Variants in ATAD3C observed in about 807,000 individuals in gnomAD.
The protein encoded by ATAD3C is ATPase family AAA domain containing 3C, also known as ATPase family AAA domain-containing protein 3C.
ATAD3C carries 38 observed loss-of-function variants against 46.3 expected under a neutral mutation model. The ratio of observed to expected loss-of-function variants is 0.82; its 90% CI spans 0.63 to 1.08. ATAD3C has a LOEUF of 1.08. ATAD3C is among the 50% of genes least tolerant of loss of function. ATAD3C has a pLI of 0.00. For synonymous variants in ATAD3C, 220 were observed against 236.4 expected, an observed-to-expected ratio of 0.93 and a Z score of 0.63; for missense variants, 563 against 572.7, an observed-to-expected ratio of 0.98 and a Z score of 0.17.
chr1:1,455,835 G>T lies in ATAD3C; in HGVS notation c.483G>T (p.Arg161Ser), dbSNP rs1221383687. ...ARVRDIAIMT[R>S]NIKKNRGLYR... ...TGCGCGACATCGCCATAATGACAAG[G>T]AACATCAAGAAGAACCGGGGCCTGT... Residue 161 changes from arginine (R) to serine (S), a missense_variant, in exon 6 of 12, where the codon AGG (arginine) becomes AGT (serine). Arg to Ser is a moderately radical substitution (Grantham distance 110). Around this residue, in one of 3 missense-constraint regions of ATAD3C, gnomAD observed 263 missense variants for 243.1 expected, o/e 1.08. Transcript: ENST00000378785. 6 of 1,613,406 alleles carry T rather than the reference G, an allele frequency of 3.7e-6. No homozygotes were observed. Among genetic ancestry groups the T allele is most frequent in the Non-Finnish European group, 4.2e-6 (5 of 1,179,706 alleles).
chr1:1,456,932 G>C (rs571749006), intron 7 of ATAD3C, among the ~76,000 whole-genome samples, 197 bp from the exon 8 acceptor site: 1 of 152,116 alleles, frequency 6.6e-6, no homozygotes, highest in South Asian at 2.1e-4. Context: ...TGGGCTGAGT[G>C]GGGGTGAAGC....
rs189960463 is a variant in ATAD3C, at chr1:1,454,225, G to C, written c.223-120G>C. ...GGGAATTCGGGTTCCTGTGGGGCCAGCACACGGCCCTGTGCTTCTCCCTCA... is the reference window on the plus strand; with the variant it reads ...GGGAATTCGGGTTCCTGTGGGGCCACCACACGGCCCTGTGCTTCTCCCTCA... On this transcript the variant is annotated intron_variant, in intron 3 of 11. Coordinates refer to ENST00000378785, the MANE Select transcript of ATAD3C (RefSeq NM_001039211.3). The C allele has an allele frequency of 2.8e-4, 403 of 1,439,046 alleles. 2 individuals are homozygous for C. The African/African-American group carries it at 5.2e-3, about 19-fold the overall frequency. The allele number at this position is 1,439,046 out of a possible 1,614,324, so 89.1% of individuals were successfully genotyped here.
Position 1,462,715 on chromosome 1 carries a change from C to T in ATAD3C, c.1089+7C>T. The T allele has an allele frequency of 6.3e-7, 1 of 1,596,316 alleles. No individual in the cohort carries two copies. The highest frequency in any genetic ancestry group is 8.5e-7 in the Non-Finnish European group (1 of 1,172,010). Reference sequence around the variant, plus strand: ...GCTGGCCGTGTCCTGGCAGGTGAGTCAGGCTCGGGTGCACCCACCCAGATG... The same window carrying T: ...GCTGGCCGTGTCCTGGCAGGTGAGTTAGGCTCGGGTGCACCCACCCAGATG... On this transcript the variant is annotated splice_region_variant and intron_variant, in intron 11 of 11. Coordinates refer to ENST00000378785, the MANE Select transcript of ATAD3C (RefSeq NM_001039211.3). The surrounding 1 kb of genome is among the most constrained non-coding windows in gnomAD (Gnocchi z 4.5).
intron 3 of ATAD3C, 23 bp from the exon 4 acceptor site, chr1:1,454,322 C>T (rs1338560312): frequency 6.3e-7 from 1 of 1,589,936 alleles, no homozygotes; most frequent in Middle Eastern, 2.3e-4. Context: ...GGCCGGTGCG[C>T]CAGTGCGGTG....
rs1639050602 is a variant in ATAD3C, at chr1:1,460,911, G to T, written c.974G>T (p.Gly325Val). ...NEYVLKPATE[G>V]KRRLKLAQFD... The stretch of plus-strand genomic sequence containing the variant: ...TATGTTCTTAAGCCGGCCACAGAAG[G>T]AAAGCGGTAAGTGTCCCGCCCCACC... Residue 325 changes from glycine to valine, a missense_variant, in exon 10 of 12, where the codon GGA becomes GTA. By Grantham distance (109) the Gly-to-Val change is moderately radical (BLOSUM62 -3). Transcript: ENST00000378785. The T allele has an allele frequency of 6.2e-7, 1 of 1,607,660 alleles. No homozygotes were observed. Among genetic ancestry groups the T allele is most frequent in the Non-Finnish European group, 8.5e-7 (1 of 1,176,516 alleles).
Position 1,454,463 on chromosome 1 carries a change from G to T in ATAD3C, c.341G>T (p.Arg114Leu). The T allele has an allele frequency of 6.2e-7, 1 of 1,609,668 alleles. No homozygotes were observed. The highest frequency in any genetic ancestry group is 8.5e-7 in the Non-Finnish European group (1 of 1,179,288). The change falls in exon 4 of 12, where the codon CGC becomes CTC. Residue 114 changes from arginine (R) to leucine (L), a missense_variant. Around this residue, in one of 3 missense-constraint regions of ATAD3C, gnomAD observed 263 missense variants for 243.1 expected, o/e 1.08. Transcript: ENST00000378785. ...CCGTCCCTAGTGAGGGAGACGTCCC[G>T]CATCACGGTGCTTGAGGCGCTGCGG... ...GKPSLVRETS[R>L]ITVLEALRHP... is the part of the protein sequence containing the mutation.
chr1:1,449,895 C>T lies in ATAD3C; in HGVS notation c.-789C>T, dbSNP rs375606904. On this transcript the variant is annotated 5_prime_UTR_variant, in exon 1 of 12. Coordinates refer to ENST00000378785, the MANE Select transcript of ATAD3C (RefSeq NM_001039211.3). ...ACCTGTGTCGGTTCCCCACTAGGAA[C>T]AAAATGTAACTGAGGACGTTGTCAG... is the stretch of plus-strand genomic sequence containing the variant. 1 of 152,050 alleles carries T rather than the reference C, an allele frequency of 6.6e-6. No homozygotes were observed. Among genetic ancestry groups the T allele is most frequent in the East Asian group, 1.9e-4 (1 of 5,202 alleles). 9.4% of individuals were successfully genotyped at this position (152,050 alleles called of 1,614,324 possible).
At position 1,455,493 on chromosome 1, in the gene ATAD3C, G is replaced by T; in HGVS notation, c.412G>T (p.Asp138Tyr). 6.2e-7 allele frequency: 1 copy of T among 1,612,672 alleles called. No homozygotes were observed. Among genetic ancestry groups the T allele is most frequent in the South Asian group, 1.1e-5 (1 of 90,964 alleles). The change falls in exon 5 of 12, where the codon GAC becomes TAC. Residue 138 changes from aspartate (D) to tyrosine (Y), a missense_variant. Physicochemically the swap from Asp to Tyr is radical, Grantham distance 160. Coordinates refer to ENST00000378785, the MANE Select transcript of ATAD3C (RefSeq NM_001039211.3). ...CCGGCGGCTCCTCAGTCGACCCCAG[G>T]ACGTGCTGGAGGGTGTTGTGCTTAG... Reference protein sequence around the residue: ...VSRRLLSRPQDVLEGVVLSPS... With the variant: ...VSRRLLSRPQYVLEGVVLSPS...
intron 11 of ATAD3C, among the ~76,000 whole-genome samples, chr1:1,466,417 G>A (rs1639143248): frequency 6.6e-6 from 1 of 151,022 alleles, no homozygotes; most frequent in Non-Finnish European, 1.5e-5. Flanking sequence ...GCTGGGTGTG[G>A]TGGCGGGTGC....
In ATAD3C at chr1:1,455,876, T is replaced by C. The variant is rs1557777793; in HGVS notation, c.524T>C (p.Leu175Pro). 4 of 1,613,418 alleles carry C rather than the reference T, an allele frequency of 2.5e-6. No individual in the cohort carries two copies. Among genetic ancestry groups the C allele is most frequent in the Non-Finnish European group, 3.4e-6 (4 of 1,179,692 alleles). The change falls in exon 6 of 12, where the codon CTG becomes CCG. Residue 175 changes from leucine (L) to proline (P), a missense_variant. Leu to Pro is a moderately conservative substitution (Grantham distance 98, BLOSUM62 -3). Around this residue, in one of 3 missense-constraint regions of ATAD3C, gnomAD observed 263 missense variants for 243.1 expected, o/e 1.08. Transcript: ENST00000378785. Reference protein sequence around the residue: ...KNRGLYRHILLYGPPGTGKTL... With the variant: ...KNRGLYRHILPYGPPGTGKTL... ...CGGGGCCTGTACAGGCACATCCTGC[T>C]GTACGGGCCACCAGGCACCGGGAAG... is the stretch of plus-strand genomic sequence containing the variant.
At chr1:1,453,047 G>C (rs1638891037) in intron 3 of ATAD3C, among the ~76,000 whole-genome samples, 1 of 152,038 alleles carries the variant, frequency 6.6e-6, no homozygotes, top group Admixed American at 6.6e-5. Flanking sequence ...CACTGAGTGG[G>C]CACTTGCTCT....
chr1:1,461,311 C>T (rs1401475889), intron 10 of ATAD3C, among the ~76,000 whole-genome samples: 1 of 152,014 alleles, frequency 6.6e-6, no homozygotes, highest in African/African-American at 2.4e-5. Context: ...CATCAGCCTC[C>T]TGAGTAGCTG....
chr1:1,464,385 C>T (rs1246741881), intron 11 of ATAD3C, among the ~76,000 whole-genome samples: 1 of 151,872 alleles, frequency 6.6e-6, no homozygotes, highest in African/African-American at 2.4e-5. Context: ...TCAGCTCTCT[C>T]TGGTGTCCCT....
intron 11 of ATAD3C, among the ~76,000 whole-genome samples, chr1:1,463,629 C>T (rs776312747): frequency 4.6e-5 from 7 of 151,866 alleles, no homozygotes; most frequent in South Asian, 4.2e-4. Context: ...AAGCAGAGGC[C>T]GGGCATGGTG....
intron 11 of ATAD3C, among the ~76,000 whole-genome samples, chr1:1,466,263 A>C (rs1639140358): frequency 6.6e-6 from 1 of 150,760 alleles, no homozygotes; most frequent in Non-Finnish European, 1.5e-5. Flanking sequence ...AAAAAAAAAA[A>C]ATGGCTGGGC....
intron 2 of ATAD3C, 67 bp from the exon 3 acceptor site, chr1:1,452,298 A>G: frequency 2.5e-6 from 4 of 1,610,880 alleles, no homozygotes; most frequent in Non-Finnish European, 3.4e-6. Flanking sequence ...CCTCACCCTC[A>G]ACCTGTTCTT....
rs529213947 is a variant in ATAD3C at position 1,456,275 on chromosome 1, C to T, written c.615C>T (p.Asp205=). 41 of 1,484,216 alleles carry T rather than the reference C, an allele frequency of 2.8e-5. 2 individuals carry two copies. The highest frequency in any genetic ancestry group is 1.8e-4 in the Middle Eastern group (1 of 5,578). The allele number at this position is 1,484,216 out of a possible 1,614,324, so 91.9% of individuals were successfully genotyped here. Residue 205 remains aspartate, a synonymous_variant, in exon 7 of 12, where the codon GAC becomes GAT. Transcript: ENST00000378785. ...ACTACGCCATCATGACAGGCGGGGA[C>T]GTGGCCCCCATGGGGCGGGAAGGCG... The part of the protein sequence containing the change: ...GMDYAIMTGG[D]VAPMGREGVT...
Position 1,459,855 on chromosome 1 carries a change from C to T in ATAD3C, c.812+624C>T, listed in dbSNP as rs146473549. Among the ~76,000 whole-genome samples the T allele has an allele frequency of 2.0e-5, 3 of 152,038 alleles. No homozygotes were observed. The highest frequency in any genetic ancestry group is 2.1e-4 in the South Asian group (1 of 4,824). On this transcript the variant is annotated intron_variant, in intron 9 of 11. Transcript: ENST00000378785. This position sits in a 1 kb window ranked among gnomAD's most constrained non-coding sequence, Gnocchi z 4.9. ...TGAGTTTTCTTGGTCTCCTGGGTCC[C>T]TCCAGCCCCAGTCACGTGTCACATG...
At position 1,457,052 on chromosome 1, in the gene ATAD3C, T is replaced by G. The variant is rs556790273; in HGVS notation, c.690-77T>G. On this transcript the variant is annotated intron_variant, in intron 7 of 11. Transcript: ENST00000378785. ...GTGGGGATCTGCCTGCTTGGCCTGC[T>G]CCTGCCATGGCCGGACGCCGCTGTG... 1.2e-3 allele frequency: 1,976 copies of G among 1,598,004 alleles called. 21 individuals carry two copies. The highest frequency in any genetic ancestry group is 1.6e-3 in the Non-Finnish European group (1,862 of 1,167,664).
Sources: gnomAD v4.1 joint callset for allele counts (sites outside exome capture counted in the v4.1 genomes callset) on GRCh38, gnomAD v4.1.1 for gene constraint, gnomAD v4.1.1 regional missense constraint, Gnocchi (gnomAD v3.1) non-coding constraint, MANE v1.5 for transcripts, NCBI Gene and HGNC (gene_info 2026-07-23, HGNC 2026-07-21) for gene names.